CLSTN2: variants seen among roughly 807,000 people sequenced by gnomAD.
CLSTN2 encodes calsyntenin 2, also known as calsyntenin-2.
CLSTN2 carries 48 observed loss-of-function variants against 101.2 expected under a neutral mutation model. That is an observed-to-expected ratio of 0.47 (90% confidence interval 0.38 to 0.60). The LOEUF (loss-of-function observed/expected upper bound fraction) is 0.60. Among genes scored for constraint, CLSTN2 ranks in the 20% least tolerant of loss-of-function variants. CLSTN2 has a pLI of 0.00. For missense variants in CLSTN2, 1,160 were observed against 1,238.2 expected (o/e 0.94, Z 0.95); for synonymous variants, 481 against 463.6 (o/e 1.04, Z -0.48).
intron 9 of CLSTN2, among the ~76,000 whole-genome samples, chr3:140,546,252 A>C (rs1489222304): frequency 6.6e-6 from 1 of 152,242 alleles, no homozygotes; most frequent in East Asian, 1.9e-4. Flanking sequence ...CCAGTCTCCT[A>C]AGACAGTGTG....
chr3:140,240,170 C>CTCTT, intron 2 of CLSTN2, among the ~76,000 whole-genome samples: 1 of 16,038 alleles, frequency 6.2e-5, no homozygotes, highest in East Asian at 0.013. Flanking sequence ...CTCTCTCTCT[C>CTCTT]TCTCTATATA....
chr3:140,448,290 G>T lies in CLSTN2; in HGVS notation c.788-229G>T, dbSNP rs571173425. ...CTGCACATGTTTTGTGTATTCCTATGTGGCTCAGTGCAGCTGGGTGCAGTT... is the reference window on the plus strand; with the variant it reads ...CTGCACATGTTTTGTGTATTCCTATTTGGCTCAGTGCAGCTGGGTGCAGTT... On this transcript the variant is annotated intron_variant, in intron 5 of 16. Coordinates refer to ENST00000458420, the MANE Select transcript of CLSTN2 (RefSeq NM_022131.3). Among the ~76,000 whole-genome samples, 13 of 152,080 alleles carry T rather than the reference G, an allele frequency of 8.5e-5. No individual in the cohort carries two copies. The East Asian group carries it at 2.5e-3, about 29-fold the overall frequency.
chr3:140,175,394 G>A (rs1035936593), intron 1 of CLSTN2, among the ~76,000 whole-genome samples: 3 of 151,488 alleles, frequency 2.0e-5, no homozygotes, highest in African/African-American at 7.3e-5. Flanking sequence ...TCAAATATCT[G>A]TTTTATCTTT....
In CLSTN2 at chr3:140,268,343, C is replaced by A. The variant is rs137923270; in HGVS notation, c.232+92270C>A. 2.0e-5 allele frequency among the ~76,000 whole-genome samples: 3 copies of A among 152,178 alleles called. No individual in the cohort carries two copies. The South Asian group carries it at 6.2e-4, about 32-fold the overall frequency. On this transcript the variant is annotated intron_variant, in intron 2 of 16. Transcript: ENST00000458420. Reference sequence around the variant, plus strand: ...CAATCATTCGTCCAGCAGTACAACACCCCCTGTTGGGCTGGGGACATAGAA... The same window carrying A: ...CAATCATTCGTCCAGCAGTACAACAACCCCTGTTGGGCTGGGGACATAGAA...
At position 140,396,699 on chromosome 3, in the gene CLSTN2, C is replaced by A. The variant is rs1439957103; in HGVS notation, c.233-6930C>A. On this transcript the variant is annotated intron_variant, in intron 2 of 16. Coordinates refer to ENST00000458420, the MANE Select transcript of CLSTN2 (RefSeq NM_022131.3). ...TGGATAGAGATGTGGAAATAATTTCCCCAGCCCCCCAACAATTTATTATGT... is the reference window on the plus strand; with the variant it reads ...TGGATAGAGATGTGGAAATAATTTCACCAGCCCCCCAACAATTTATTATGT... 3.9e-5 allele frequency among the ~76,000 whole-genome samples: 6 copies of A among 152,126 alleles called. No homozygotes were observed. The East Asian group carries it at 1.2e-3, about 29-fold the overall frequency.
chr3:140,401,749 G>T (rs1295104567), intron 2 of CLSTN2, among the ~76,000 whole-genome samples: 2 of 152,174 alleles, frequency 1.3e-5, no homozygotes, highest in African/African-American at 4.8e-5. Flanking sequence ...TTGTCATATT[G>T]GCATTGATCT....
chr3:140,267,117 T>A (rs72990154), intron 2 of CLSTN2, among the ~76,000 whole-genome samples: 1 of 152,166 alleles, frequency 6.6e-6, no homozygotes, highest in Non-Finnish European at 1.5e-5. Flanking sequence ...GAATGGACCA[T>A]GTTCCTCCCA....
intron 9 of CLSTN2, among the ~76,000 whole-genome samples, chr3:140,543,402 C>T (rs1481180345): frequency 6.6e-6 from 1 of 152,196 alleles, no homozygotes; most frequent in East Asian, 1.9e-4. Context: ...TCAACTAATT[C>T]CTCAAAGCCA....
At chr3:140,419,948 A>G (rs542853732) in intron 4 of CLSTN2, among the ~76,000 whole-genome samples, 55 of 148,092 alleles carry the variant, frequency 3.7e-4, no homozygotes, top group Admixed American at 6.8e-4. Context: ...GCTGGAGTAC[A>G]GTGTTGCGAT....
chr3:140,316,075 A>G (rs1444615814), intron 2 of CLSTN2, among the ~76,000 whole-genome samples: 1 of 152,172 alleles, frequency 6.6e-6, no homozygotes, highest in Non-Finnish European at 1.5e-5. Flanking sequence ...GCATCTGCTG[A>G]GTGCTGGCTG....
intron 1 of CLSTN2, among the ~76,000 whole-genome samples, chr3:140,135,117 CATATATATATAT>C (rs66931848): frequency 2.0e-3 from 119 of 58,102 alleles, no homozygotes; most frequent in Middle Eastern, 0.013. Context: ...CACACACACA[CATATATATATAT>C]ATATATATAT....
chr3:140,163,453 T>C (rs1450241346), intron 1 of CLSTN2, among the ~76,000 whole-genome samples: 1 of 134,078 alleles, frequency 7.5e-6, no homozygotes. Context: ...CACACACAGA[T>C]GTAGAGCTAG....
chr3:140,481,787 C>T (rs1934123024), intron 8 of CLSTN2, among the ~76,000 whole-genome samples: 1 of 152,130 alleles, frequency 6.6e-6, no homozygotes, highest in Non-Finnish European at 1.5e-5. Flanking sequence ...GTGATTTTTG[C>T]ACATTGATTT....
At chr3:140,556,455 A>C in intron 10 of CLSTN2, 58 bp from the exon 11 acceptor site, 1 of 1,586,520 alleles carries the variant, frequency 6.3e-7, no homozygotes. Flanking sequence ...AAGTGCTCCC[A>C]TAAAACCATG....
At chr3:140,561,991 G>A (rs143366992) in intron 12 of CLSTN2, 147 bp from the exon 13 acceptor site, 30 of 620,912 alleles carry the variant, frequency 4.8e-5, no homozygotes, top group Admixed American at 1.7e-4. Flanking sequence ...ACATCTGAGC[G>A]GTGGATGTGG....
intron 1 of CLSTN2, 133 bp from the exon 2 acceptor site, chr3:140,175,818 C>A: frequency 1.1e-6 from 1 of 887,710 alleles, no homozygotes; most frequent in Non-Finnish European, 1.7e-6. Context: ...ATGGGATTAA[C>A]ATGTTCCATG....
intron 4 of CLSTN2, among the ~76,000 whole-genome samples, chr3:140,408,625 G>A (rs184666554): frequency 1.4e-3 from 218 of 152,242 alleles, no homozygotes; most frequent in Non-Finnish European, 1.0e-3. Context: ...GGACCCCACA[G>A]TTTTTCACTT....
At chr3:140,265,008 G>T (rs2086683378) in intron 2 of CLSTN2, among the ~76,000 whole-genome samples, 1 of 152,150 alleles carries the variant, frequency 6.6e-6, no homozygotes, top group African/African-American at 2.4e-5. Flanking sequence ...AAAGTATTGA[G>T]TGTGTGCTGG....
intron 1 of CLSTN2, among the ~76,000 whole-genome samples, chr3:139,940,926 G>A (rs1325649680): frequency 6.6e-6 from 1 of 152,032 alleles, no homozygotes; most frequent in Non-Finnish European, 1.5e-5. Context: ...GTCTCTGGAG[G>A]GAGAGCTTAT....
Sources: allele counts gnomAD v4.1 joint callset (sites outside exome capture counted in the v4.1 genomes callset), GRCh38; gene constraint gnomAD v4.1.1; transcripts MANE v1.5; gene names NCBI Gene and HGNC (gene_info 2026-07-23, HGNC 2026-07-21).